PTPRT: variants seen among roughly 807,000 people sequenced by gnomAD.
PTPRT encodes receptor-type tyrosine-protein phosphatase T.
In PTPRT, 56 loss-of-function variants were observed where a neutral mutation model predicts 176.8. The ratio of observed to expected loss-of-function variants is 0.32; its 90% confidence interval spans 0.26 to 0.40. The LOEUF is 0.40. Among genes scored for constraint, PTPRT ranks in the 10% least tolerant of loss-of-function variants. The probability of loss-of-function intolerance (pLI) is 1.00; values close to 1 mark genes in which losing one functional copy is unlikely to be tolerated. For missense variants in PTPRT, 1,540 were observed against 1,908.2 expected, an observed-to-expected ratio of 0.81 and a Z score of 3.60; for synonymous variants, 783 against 739.0, an observed-to-expected ratio of 1.06 and a Z score of -0.96.
At chr20:42,365,110 C>T (rs1471284839) in intron 9 of PTPRT, among the ~76,000 whole-genome samples, 1 of 152,182 alleles carries the variant, frequency 6.6e-6, no homozygotes, top group African/African-American at 2.4e-5. Context: ...AAGGTATCCA[C>T]AATGCTATTA....
intron 23 of PTPRT, among the ~76,000 whole-genome samples, chr20:42,109,022 T>TTTGA (rs1253694350): frequency 2.0e-5 from 3 of 148,118 alleles, no homozygotes; most frequent in Non-Finnish European, 2.9e-5. Context: ...TCCATTGCCC[T>TTTGA]TTGATTGCTA....
At chr20:43,150,570 C>CT (rs140738017) in intron 1 of PTPRT, among the ~76,000 whole-genome samples, 5,719 of 152,254 alleles carry the variant, frequency 0.038, 133 homozygotes, top group Non-Finnish European at 0.052. Context: ...GATTCTCGTG[C>CT]TTCAGCCTCC....
chr20:43,120,168 G>A (rs1281290459), intron 1 of PTPRT, among the ~76,000 whole-genome samples: 1 of 152,100 alleles, frequency 6.6e-6, no homozygotes, highest in Admixed American at 6.5e-5. Context: ...ATAGAATTAC[G>A]AGGATCTAAT....
chr20:42,485,030 A>G (rs1191718822), intron 7 of PTPRT, among the ~76,000 whole-genome samples: 1 of 152,228 alleles, frequency 6.6e-6, no homozygotes, highest in Admixed American at 6.5e-5. Context: ...TGCCACATCA[A>G]CTGCTCAAGT....
intron 1 of PTPRT, among the ~76,000 whole-genome samples, chr20:43,057,958 G>A (rs1361423126): frequency 6.6e-6 from 1 of 152,182 alleles, no homozygotes; most frequent in Non-Finnish European, 1.5e-5. Flanking sequence ...TACATAGAAA[G>A]CACCCAGTAT....
chr20:42,702,410 A>G (rs760464708), intron 6 of PTPRT, among the ~76,000 whole-genome samples: 49 of 152,264 alleles, frequency 3.2e-4, no homozygotes, highest in Non-Finnish European at 5.9e-4. Flanking sequence ...GCAAACCACA[A>G]CCTTGCTGCA....
chr20:42,329,494 C>CACAT (rs1424074192), intron 11 of PTPRT, among the ~76,000 whole-genome samples: 14 of 140,458 alleles, frequency 1.0e-4, no homozygotes, highest in African/African-American at 2.7e-4. Context: ...CACACACACA[C>CACAT]ACACACACAT....
At chr20:43,030,240 C>T (rs1329402525) in intron 1 of PTPRT, among the ~76,000 whole-genome samples, 2 of 152,162 alleles carry the variant, frequency 1.3e-5, no homozygotes, top group Non-Finnish European at 2.9e-5. Context: ...AGATGTTGCA[C>T]AAATACATTT....
intron 13 of PTPRT, among the ~76,000 whole-genome samples, chr20:42,249,247 C>T (rs2056508561): frequency 6.6e-6 from 1 of 151,966 alleles, no homozygotes; most frequent in African/African-American, 2.4e-5. Flanking sequence ...TATTTTGGGG[C>T]AACACAATTT....
chr20:42,790,830 A>T (rs2077363839), intron 3 of PTPRT, among the ~76,000 whole-genome samples: 1 of 152,174 alleles, frequency 6.6e-6, no homozygotes, highest in Non-Finnish European at 1.5e-5. Flanking sequence ...GAGTTATTTC[A>T]TCTCTCCGAA....
intron 2 of PTPRT, among the ~76,000 whole-genome samples, chr20:42,793,830 C>T (rs2077412667): frequency 6.6e-6 from 1 of 152,116 alleles, no homozygotes; most frequent in Non-Finnish European, 1.5e-5. Flanking sequence ...TAAGTAGCAA[C>T]TCACAAGCCC....
chr20:42,489,239 G>A (rs374189513), intron 7 of PTPRT, among the ~76,000 whole-genome samples: 6 of 151,704 alleles, frequency 4.0e-5, no homozygotes, highest in East Asian at 3.9e-4. Flanking sequence ...AATATTCCAC[G>A]TCCCCCTTGT....
chr20:42,879,746 TGTGTGTGTGTGCGC>T (rs1159325858), intron 2 of PTPRT, among the ~76,000 whole-genome samples: 2 of 151,420 alleles, frequency 1.3e-5, no homozygotes, highest in Non-Finnish European at 2.9e-5. Context: ...TGTGTGTGTG[TGTGTGTGTGTGCGC>T]GTGTGTGTGT....
intron 7 of PTPRT, among the ~76,000 whole-genome samples, chr20:42,489,158 A>G (rs756599586): frequency 4.6e-5 from 7 of 151,888 alleles, no homozygotes; most frequent in Non-Finnish European, 7.4e-5. Flanking sequence ...CCTGCAGGTT[A>G]GTTACATATG....
chr20:42,292,966 A>C (rs6102760), intron 12 of PTPRT, among the ~76,000 whole-genome samples: 99,937 of 152,094 alleles, frequency 0.66, 32,912 homozygotes, highest in African/African-American at 0.7. Flanking sequence ...GACCCTCAGT[A>C]ACCAACAGTG....
intron 6 of PTPRT, among the ~76,000 whole-genome samples, chr20:42,678,788 C>A (rs1305668332): frequency 6.6e-6 from 1 of 152,228 alleles, no homozygotes; most frequent in Non-Finnish European, 1.5e-5. Flanking sequence ...TGGGTGAATA[C>A]TCTGTTTTCT....
intron 6 of PTPRT, among the ~76,000 whole-genome samples, chr20:42,728,339 C>T (rs576816557): frequency 9.2e-5 from 14 of 152,312 alleles, no homozygotes; most frequent in African/African-American, 3.4e-4. Flanking sequence ...GTTTCTATCA[C>T]TGCTGCTGCT....
chr20:42,341,042 T>G (rs557611275), intron 11 of PTPRT, among the ~76,000 whole-genome samples: 2 of 152,078 alleles, frequency 1.3e-5, no homozygotes, highest in East Asian at 3.9e-4. Flanking sequence ...CTTGAATCTA[T>G]TACTGTCTGT....
chr20:42,604,715 G>A (rs1171876729), intron 7 of PTPRT, among the ~76,000 whole-genome samples: 7 of 152,116 alleles, frequency 4.6e-5, no homozygotes, highest in Non-Finnish European at 7.4e-5. Flanking sequence ...CCTTCCTAAG[G>A]GTTTAGAGTT....
Sources: gnomAD v4.1 joint callset for allele counts (sites outside exome capture counted in the v4.1 genomes callset) on GRCh38, gnomAD v4.1.1 for gene constraint, MANE v1.5 for transcripts, NCBI Gene and HGNC (gene_info 2026-07-23, HGNC 2026-07-21) for gene names.